The following PPP1R36 variants were observed in gnomAD, a reference collection of about 807,000 sequenced individuals.
PPP1R36 encodes the protein chromosome 14 open reading frame 50.
Under a neutral mutation model 53.4 loss-of-function variants are expected in PPP1R36, and 47 were observed. That is an observed-to-expected ratio of 0.88 (90% CI 0.70 to 1.12). PPP1R36 has a LOEUF of 1.12. Ranked by LOEUF, PPP1R36 falls within the 50% of genes most tolerant of loss-of-function variation. PPP1R36 has a pLI of 0.00. For missense variants in PPP1R36, 456 were observed against 513.9 expected, an observed-to-expected ratio of 0.89 and a Z score of 1.09; for synonymous variants, 153 against 170.5, an observed-to-expected ratio of 0.90 and a Z score of 0.80.
chr14:64,554,099 G>A (rs921062110), intron 3 of PPP1R36, among the ~76,000 whole-genome samples: 1 of 146,610 alleles, frequency 6.8e-6, no homozygotes, highest in Non-Finnish European at 1.5e-5. Context: ...GGAAATATAG[G>A]TATTGGTTCC....
intron 2 of PPP1R36, among the ~76,000 whole-genome samples, chr14:64,552,305 A>T (rs867891040): frequency 2.6e-5 from 4 of 152,250 alleles, no homozygotes; most frequent in Non-Finnish European, 4.4e-5. Context: ...CCTGGCCAAC[A>T]TGGTGAAATC....
At position 64,575,832 on chromosome 14, in the gene PPP1R36, A is replaced by T. The variant is rs2080337247; in HGVS notation, c.668+1243A>T. Among the ~76,000 whole-genome samples, 4 of 151,812 alleles carry T rather than the reference A, an allele frequency of 2.6e-5. No homozygotes were observed. In the South Asian group the frequency reaches 8.3e-4, roughly 32 times the overall value. ...CGCCCAGCTAATTTTTTGTATTTTT[A>T]GTAGAGACAGGGTTTCACCATGTTA... On this transcript the variant is annotated intron_variant, in intron 8 of 11. Coordinates refer to ENST00000298705, the MANE Select transcript of PPP1R36 (RefSeq NM_172365.3).
At chr14:64,576,126 G>A (rs1321786256) in intron 8 of PPP1R36, among the ~76,000 whole-genome samples, 1 of 142,884 alleles carries the variant, frequency 7.0e-6, no homozygotes, top group Non-Finnish European at 1.5e-5. Flanking sequence ...GTCCCCATAG[G>A]CTGGAGTGCA....
intron 8 of PPP1R36, among the ~76,000 whole-genome samples, chr14:64,583,768 C>T (rs754317342): frequency 5.7e-5 from 6 of 106,060 alleles, no homozygotes; most frequent in African/African-American, 9.2e-5. Flanking sequence ...GAGCCAAGAT[C>T]GTGCCATTGC....
At chr14:64,586,697 T>C (rs1462700463) in intron 8 of PPP1R36, 140 bp from the exon 9 acceptor site, 10 of 575,660 alleles carry the variant, frequency 1.7e-5, no homozygotes, top group Non-Finnish European at 2.8e-5. Context: ...TCTTTATCAA[T>C]GCCTTTTGAT....
chr14:64,552,047 T>C (rs193009145), intron 2 of PPP1R36, among the ~76,000 whole-genome samples: 26 of 152,192 alleles, frequency 1.7e-4, no homozygotes, highest in Admixed American at 1.4e-3. Flanking sequence ...TAAGAGAGGA[T>C]TGACAGGATG....
chr14:64,582,525 T>C (rs190293890), intron 8 of PPP1R36, among the ~76,000 whole-genome samples: 24 of 152,358 alleles, frequency 1.6e-4, no homozygotes, highest in Admixed American at 1.5e-3. Context: ...CTGACCAGCA[T>C]GGTGGCCACT....
chr14:64,588,372 GCACCAT>G, intron 11 of PPP1R36, 77 bp downstream of exon 11: 2 of 1,297,174 alleles, frequency 1.5e-6, no homozygotes, highest in Non-Finnish European at 2.1e-6. Context: ...AGGGGCCCAG[GCACCAT>G]GCCTCTGCCA....
rs540719542 is a variant in PPP1R36 at position 64,550,164 on chromosome 14, G to T, written c.69+98G>T. ...GCGCCCCTCGCCCTCCTCCAGAGGC[G>T]GGTCGTCGCCTTCGCCCCGGGCTGG... On this transcript the variant is annotated intron_variant, in intron 1 of 11. Transcript: ENST00000298705. The T allele has an allele frequency of 5.4e-6, 8 of 1,478,572 alleles. No homozygotes were observed. In the South Asian group the frequency reaches 8.9e-5, roughly 16 times the overall value. The allele number at this position is 1,478,572 out of a possible 1,614,324, so 91.6% of individuals were successfully genotyped here.
intron 7 of PPP1R36, among the ~76,000 whole-genome samples, chr14:64,569,156 G>A (rs997909004): frequency 2.0e-4 from 30 of 152,148 alleles, no homozygotes; most frequent in African/African-American, 7.0e-4. Context: ...CAGAAGTGGC[G>A]CAGAGGTGTA....
intron 8 of PPP1R36, among the ~76,000 whole-genome samples, chr14:64,579,405 A>G (rs2080368543): frequency 6.6e-6 from 1 of 152,228 alleles, no homozygotes; most frequent in East Asian, 1.9e-4. Context: ...ATGTTTCAGC[A>G]TCAAAAATAC....
At chr14:64,553,119 T>A (rs191357173) in intron 3 of PPP1R36, among the ~76,000 whole-genome samples, 43 of 152,176 alleles carry the variant, frequency 2.8e-4, no homozygotes, top group Admixed American at 5.2e-4. Flanking sequence ...ATGCCCAGCT[T>A]GTTTTTTGTA....
At chr14:64,560,526 T>C (rs1453157979) in intron 3 of PPP1R36, among the ~76,000 whole-genome samples, 7 of 151,818 alleles carry the variant, frequency 4.6e-5, no homozygotes, top group Non-Finnish European at 5.9e-5. Flanking sequence ...GGAGATCAGT[T>C]AAGAAGCAGT....
rs527433337 is a variant in PPP1R36, at chr14:64,562,935, C to T, written c.183-1816C>T. On this transcript the variant is annotated intron_variant, in intron 3 of 11. Transcript: ENST00000298705. ...AGGCTGGAGTGAAATGGCATGATCT[C>T]GGCTCACTGCAACCTCCGCCTCCCG... Among the ~76,000 whole-genome samples, 87 of 152,196 alleles carry T rather than the reference C, an allele frequency of 5.7e-4. 1 individual carries two copies. The highest frequency in any genetic ancestry group is 1.7e-3 in the African/African-American group (71 of 41,514).
At position 64,587,281 on chromosome 14, in the gene PPP1R36, T is replaced by C. The variant is rs45482504; in HGVS notation, c.799T>C (p.Phe267Leu). ...TEIEEEVGRL[F>L]RTNMFNIPRR... Reference sequence around the variant, plus strand: ...GATTGAAGAAGAAGTAGGGAGACTCTTTCGTACCAATATGTTCAACATTCC... The same window carrying C: ...GATTGAAGAAGAAGTAGGGAGACTCCTTCGTACCAATATGTTCAACATTCC... The change falls in exon 10 of 12, where the codon TTT (phenylalanine) becomes CTT (leucine). Residue 267 changes from phenylalanine to leucine, a missense_variant. By Grantham distance (22) the Phe-to-Leu change is conservative (BLOSUM62 0). Coordinates refer to ENST00000298705, the MANE Select transcript of PPP1R36 (RefSeq NM_172365.3). The C allele has an allele frequency of 0.093, 149,976 of 1,613,050 alleles. 7,662 individuals carry two copies. The highest frequency in any genetic ancestry group is 0.16 in the Middle Eastern group (982 of 6,062).
intron 8 of PPP1R36, among the ~76,000 whole-genome samples, chr14:64,582,510 C>T (rs1182044133): frequency 6.6e-6 from 1 of 152,216 alleles, no homozygotes; most frequent in Admixed American, 6.5e-5. Flanking sequence ...TGCATGGTGT[C>T]TGTGCTGACC....
chr14:64,576,420 C>G (rs974073067), intron 8 of PPP1R36, among the ~76,000 whole-genome samples: 1 of 152,104 alleles, frequency 6.6e-6, no homozygotes, highest in Non-Finnish European at 1.5e-5. Context: ...TTCCAAGTTA[C>G]CCAGGGTCTG....
chr14:64,585,444 G>C (rs1385247108), intron 8 of PPP1R36, among the ~76,000 whole-genome samples: 1 of 150,448 alleles, frequency 6.6e-6, no homozygotes, highest in Non-Finnish European at 1.5e-5. Context: ...TAAGCCTGGG[G>C]AGGTCAGGGC....
At chr14:64,579,231 TAAC>T (rs1298779126) in intron 8 of PPP1R36, among the ~76,000 whole-genome samples, 1 of 152,190 alleles carries the variant, frequency 6.6e-6, no homozygotes, top group Admixed American at 6.5e-5. Context: ...TTTATCTATT[TAAC>T]AAACCTTCAC....
Sources: gnomAD v4.1 joint callset for allele counts (sites outside exome capture counted in the v4.1 genomes callset) on GRCh38, gnomAD v4.1.1 for gene constraint, MANE v1.5 for transcripts, NCBI Gene and HGNC (gene_info 2026-07-23, HGNC 2026-07-21) for gene names.